SMAD5: variants seen among roughly 807,000 people sequenced by gnomAD.
SMAD5 encodes the protein SMAD family member 5, also known as MAD, mothers against decapentaplegic homolog 5.
Under a neutral mutation model 43.1 loss-of-function variants are expected in SMAD5, and 9 were observed. The observed-to-expected ratio is 0.21, with a 90% CI of 0.13 to 0.36. SMAD5 has a LOEUF of 0.36. SMAD5 is among the 10% of genes least tolerant of loss of function. The pLI, the probability that SMAD5 is intolerant of heterozygous loss-of-function variation, is 1.00. For missense variants in SMAD5, 348 were observed against 574.0 expected (o/e 0.61, Z 4.02); for synonymous variants, 190 against 192.4 (o/e 0.99, Z 0.10).
chr5:136,143,963 T>A (rs1667401334), intron 1 of SMAD5, among the ~76,000 whole-genome samples: 1 of 152,094 alleles, frequency 6.6e-6, no homozygotes, highest in South Asian at 2.1e-4. Context: ...TTTCCAGTTA[T>A]ACTGTTCTTT....
chr5:136,149,929 T>C (rs1753397197), intron 2 of SMAD5, among the ~76,000 whole-genome samples: 1 of 151,890 alleles, frequency 6.6e-6, no homozygotes, highest in South Asian at 2.1e-4. Context: ...GAAACCAATC[T>C]CTTGAAGTTT....
At chr5:136,171,733 A>G (rs1040520293) in intron 5 of SMAD5, among the ~76,000 whole-genome samples, 4 of 152,168 alleles carry the variant, frequency 2.6e-5, no homozygotes, top group African/African-American at 7.2e-5. Context: ...TGGGTTTACA[A>G]CATTAGAGTT....
intron 1 of SMAD5, among the ~76,000 whole-genome samples, chr5:136,140,449 C>T (rs1047454458): frequency 1.3e-5 from 2 of 152,158 alleles, no homozygotes; most frequent in African/African-American, 2.4e-5. Context: ...TTTTCCCCCT[C>T]GTACACTGTG....
intron 3 of SMAD5, among the ~76,000 whole-genome samples, chr5:136,155,069 T>C (rs1347319186): frequency 6.6e-6 from 1 of 152,228 alleles, no homozygotes; most frequent in Non-Finnish European, 1.5e-5. Flanking sequence ...GTCTATAAGC[T>C]GATGCTCACA....
intron 5 of SMAD5, among the ~76,000 whole-genome samples, chr5:136,167,869 C>T (rs981307630): frequency 1.3e-5 from 2 of 151,118 alleles, no homozygotes; most frequent in African/African-American, 2.4e-5. Context: ...TTATTTTATT[C>T]CTGCCCCTTT....
intron 1 of SMAD5, among the ~76,000 whole-genome samples, chr5:136,145,267 G>T (rs1284279196): frequency 2.0e-5 from 3 of 151,856 alleles, no homozygotes; most frequent in Non-Finnish European, 2.9e-5. Flanking sequence ...TTCAGTCTCA[G>T]TGTGGACATT....
intron 5 of SMAD5, among the ~76,000 whole-genome samples, chr5:136,164,270 G>A (rs1014233967): frequency 1.3e-5 from 2 of 152,178 alleles, no homozygotes; most frequent in African/African-American, 2.4e-5. Context: ...ATATCTAGGA[G>A]TGCAATTGCT....
Position 136,182,601 on chromosome 5 carries a change from A to G in SMAD5, c.*5121A>G, listed in dbSNP as rs997547915. 1.3e-5 allele frequency: 2 copies of G among 152,608 alleles called. No homozygotes were observed. Among genetic ancestry groups the G allele is most frequent in the Non-Finnish European group, 2.9e-5 (2 of 68,028 alleles). 9.5% of individuals were successfully genotyped at this position (152,608 alleles called of 1,614,324 possible). On this transcript the variant is annotated 3_prime_UTR_variant, in exon 8 of 8. Coordinates refer to ENST00000545279, the MANE Select transcript of SMAD5 (RefSeq NM_005903.7). ...AGCTGAAATTCTAGCAACATGCTTC[A>G]ATTCTGTTATTTTGATACTTATGAA...
At chr5:136,165,972 T>C (rs1233037272) in intron 5 of SMAD5, among the ~76,000 whole-genome samples, 1 of 151,978 alleles carries the variant, frequency 6.6e-6, no homozygotes, top group Non-Finnish European at 1.5e-5. Context: ...ATGGTAATTA[T>C]ATTTATACTT....
At chr5:136,161,159 A>G (rs1458853321) in intron 4 of SMAD5, 52 bp downstream of exon 4, 3 of 1,559,340 alleles carry the variant, frequency 1.9e-6, no homozygotes, top group African/African-American at 1.4e-5. Context: ...TAAGAATCAC[A>G]GTTGTTCTTA....
At chr5:136,155,637 A>G (rs1753609923) in intron 3 of SMAD5, among the ~76,000 whole-genome samples, 1 of 152,056 alleles carries the variant, frequency 6.6e-6, no homozygotes, top group African/African-American at 2.4e-5. Context: ...GACTTGCCAT[A>G]CTCCTGTTTC....
At position 136,162,563 on chromosome 5, in the gene SMAD5, C is replaced by A. The variant is rs777129053; in HGVS notation, c.656-709C>A. ...CTTAGATTCAGTGCTAATTGTAGTT[C>A]TGTCTCAAAATACATCCTGTACAAA... On this transcript the variant is annotated intron_variant, in intron 4 of 7. Coordinates refer to ENST00000545279, the MANE Select transcript of SMAD5 (RefSeq NM_005903.7). 4.3e-4 allele frequency among the ~76,000 whole-genome samples: 65 copies of A among 152,302 alleles called. 1 individual carries two copies. Among genetic ancestry groups the A allele is most frequent in the Admixed American group, 4.6e-4 (7 of 15,302 alleles).
chr5:136,133,627 A>G (rs1455697331), intron 1 of SMAD5: 2 of 152,496 alleles, frequency 1.3e-5, no homozygotes, highest in Non-Finnish European at 2.9e-5. Context: ...ATGCCAAAGC[A>G]GCGTCTTTTT....
intron 3 of SMAD5, among the ~76,000 whole-genome samples, chr5:136,158,695 C>G (rs961217899): frequency 1.3e-5 from 2 of 152,066 alleles, no homozygotes; most frequent in African/African-American, 2.4e-5. Flanking sequence ...GTCAGGAGAT[C>G]GAGACAATCC....
intron 1 of SMAD5, among the ~76,000 whole-genome samples, chr5:136,142,040 C>G (rs1191394900): frequency 6.6e-6 from 1 of 152,060 alleles, no homozygotes; most frequent in African/African-American, 2.4e-5. Flanking sequence ...TACACCTAAC[C>G]CCACCACCAG....
At chr5:136,171,633 C>T (rs909409020) in intron 5 of SMAD5, among the ~76,000 whole-genome samples, 25 of 152,126 alleles carry the variant, frequency 1.6e-4, no homozygotes, top group African/African-American at 5.6e-4. Flanking sequence ...ACCATAAGCA[C>T]GTAACTTACC....
chr5:136,143,540 C>T (rs1025514595), intron 1 of SMAD5, among the ~76,000 whole-genome samples: 1 of 152,020 alleles, frequency 6.6e-6, no homozygotes, highest in African/African-American at 2.4e-5. Context: ...GTGCCTTTCC[C>T]TTTTGCTTCA....
intron 6 of SMAD5, among the ~76,000 whole-genome samples, chr5:136,173,465 A>G (rs1754295099): frequency 6.6e-6 from 1 of 152,208 alleles, no homozygotes; most frequent in South Asian, 2.1e-4. Context: ...AAGTGATTCA[A>G]AAAAATCCTG....
At chr5:136,168,478 A>G (rs1754096413) in intron 5 of SMAD5, among the ~76,000 whole-genome samples, 1 of 152,164 alleles carries the variant, frequency 6.6e-6, no homozygotes. Context: ...AGTGGAAGGT[A>G]CAGAAAGTTC....
Sources: allele counts gnomAD v4.1 joint callset (sites outside exome capture counted in the v4.1 genomes callset), GRCh38; gene constraint gnomAD v4.1.1; transcripts MANE v1.5; gene names NCBI Gene and HGNC (gene_info 2026-07-23, HGNC 2026-07-21).